Variants in GSE1 observed in about 807,000 individuals in gnomAD.
The protein encoded by GSE1 is Gse1 coiled-coil protein, also known as genetic suppressor element 1.
GSE1 carries 32 observed loss-of-function variants against 112.6 expected under a neutral mutation model. That is an observed-to-expected ratio of 0.28 (90% CI 0.21 to 0.38). The LOEUF (loss-of-function observed/expected upper bound fraction) is 0.38. GSE1 is among the 10% of genes least tolerant of loss of function. The pLI is 1.00. For synonymous variants in GSE1, 1,115 were observed against 735.6 expected, an observed-to-expected ratio of 1.52 and a Z score of -8.35; for missense variants, 2,348 against 1,699.2, an observed-to-expected ratio of 1.38 and a Z score of -6.71.
chr16:85,468,234 G>A (rs541072455), intron 2 of GSE1, among the ~76,000 whole-genome samples: 1 of 151,836 alleles, frequency 6.6e-6, no homozygotes, highest in African/African-American at 2.4e-5. Context: ...CTTGGGCAAG[G>A]TATGAAGCTC....
At chr16:85,584,604 C>A (rs886992817) in intron 1 of GSE1, among the ~76,000 whole-genome samples, 1 of 152,152 alleles carries the variant, frequency 6.6e-6, no homozygotes, top group Non-Finnish European at 1.5e-5. Flanking sequence ...CGCACGCGTT[C>A]TTTCTCAGAT....
chr16:85,668,006 G>A (rs760287971), intron 13 of GSE1, 134 bp from the exon 14 acceptor site: 17 of 680,068 alleles, frequency 2.5e-5, no homozygotes, highest in Admixed American at 7.5e-5. Flanking sequence ...TCCTCTCTAC[G>A]CGATGTCATC....
intron 1 of GSE1, among the ~76,000 whole-genome samples, chr16:85,621,561 C>T (rs900889458): frequency 2.0e-5 from 3 of 152,160 alleles, no homozygotes; most frequent in Non-Finnish European, 4.4e-5. Context: ...ATGCCAGACC[C>T]CTGGAGCCTG....
chr16:85,512,925 C>G (rs1468467474), intron 2 of GSE1, among the ~76,000 whole-genome samples: 1 of 152,084 alleles, frequency 6.6e-6, no homozygotes, highest in Non-Finnish European at 1.5e-5. Context: ...GTTGGAAGGG[C>G]TAGCTACAAC....
At chr16:85,653,536 C>T (rs1439087476) in intron 3 of GSE1, among the ~76,000 whole-genome samples, 2 of 151,506 alleles carry the variant, frequency 1.3e-5, no homozygotes, top group South Asian at 2.1e-4. Context: ...CATCTGAGTC[C>T]TCTGGACCAC....
chr16:85,621,972 C>G (rs1366369586), intron 1 of GSE1, among the ~76,000 whole-genome samples: 1 of 152,210 alleles, frequency 6.6e-6, no homozygotes, highest in East Asian at 1.9e-4. Flanking sequence ...GTGGCAGAGA[C>G]TGCCAGCTCC....
chr16:85,551,501 C>T (rs936910322), upstream of GSE1, among the ~76,000 whole-genome samples: 1 of 152,244 alleles, frequency 6.6e-6, no homozygotes, highest in South Asian at 2.1e-4. Context: ...TTCCCGCTAC[C>T]CCGTTCAGCC....
chr16:85,544,499 T>G lies in GSE1; in HGVS notation c.2465-89415T>G, dbSNP rs142385784. On this transcript the variant is annotated intron_variant, in intron 2 of 2. Coordinates refer to the GSE1 transcript ENST00000637419. ...GAAGTGGCTGGGGCTGACTCCAGAT[T>G]TCTTTGCAAGGTAAAGGCAGAGAAG... Among the ~76,000 whole-genome samples the G allele has an allele frequency of 3.0e-4, 45 of 152,268 alleles. 2 individuals are homozygous for G. In the East Asian group the frequency reaches 8.5e-3, roughly 29 times the overall value.
At chr16:85,202,439 G>C (rs967594932) in intron 1 of GSE1, among the ~76,000 whole-genome samples, 2 of 152,230 alleles carry the variant, frequency 1.3e-5, no homozygotes, top group Non-Finnish European at 2.9e-5. Flanking sequence ...GGGGCCCACA[G>C]GACATTTTTT....
At chr16:85,411,010 A>T (rs1233477930) in intron 2 of GSE1, among the ~76,000 whole-genome samples, 840 of 41,552 alleles carry the variant, frequency 0.02, 1 homozygote, top group Middle Eastern at 0.065. Flanking sequence ...TGTTACACTC[A>T]GAGCCCCCCT....
intron 2 of GSE1, among the ~76,000 whole-genome samples, chr16:85,392,382 A>G (rs2047860017): frequency 6.6e-6 from 1 of 152,206 alleles, no homozygotes; most frequent in Non-Finnish European, 1.5e-5. Flanking sequence ...TTTGGGCTAT[A>G]CTTATGCTCT....
At chr16:85,291,067 T>A (rs542010178) in intron 1 of GSE1, among the ~76,000 whole-genome samples, 1 of 152,374 alleles carries the variant, frequency 6.6e-6, no homozygotes, top group Admixed American at 6.5e-5. Flanking sequence ...TCCACACATG[T>A]GACATCCAGC....
intron 2 of GSE1, among the ~76,000 whole-genome samples, chr16:85,456,408 C>T (rs60833372): frequency 0.029 from 4,405 of 152,154 alleles, 219 homozygotes; most frequent in African/African-American, 0.1. Context: ...TCTCTACCAC[C>T]CTCTGCCTTC....
chr16:85,462,591 G>A (rs1240026781), intron 2 of GSE1, among the ~76,000 whole-genome samples: 1 of 151,376 alleles, frequency 6.6e-6, no homozygotes, highest in African/African-American at 2.4e-5. Context: ...TAGCAGCGGC[G>A]GGGAGAGGTC....
upstream of GSE1, chr16:85,554,896 T>C: frequency 5.1e-6 from 5 of 985,266 alleles, no homozygotes; most frequent in Non-Finnish European, 4.8e-6. Flanking sequence ...CGGCCCCCGC[T>C]TCGGAGCGAA....
intron 1 of GSE1, among the ~76,000 whole-genome samples, chr16:85,348,384 G>A (rs2046786820): frequency 6.6e-6 from 1 of 152,068 alleles, no homozygotes; most frequent in Non-Finnish European, 1.5e-5. Context: ...GCTATGGGTG[G>A]GACTCTCAGC....
Position 85,663,564 on chromosome 16 carries a change from A to C in GSE1, c.2594A>C (p.Lys865Thr). 6.2e-7 allele frequency: 1 copy of C among 1,613,992 alleles called. No individual in the cohort carries two copies. The highest frequency in any genetic ancestry group is 8.5e-7 in the Non-Finnish European group (1 of 1,180,016). ...AGTCCCAACTTCGAAGAAAAGAAGA[A>C]GTTCCTGACCATCTTCAACCTGACC... ...NNSPNFEEKKKFLTIFNLTHI... is the reference protein window; with the variant it reads ...NNSPNFEEKKTFLTIFNLTHI... Residue 865 changes from lysine to threonine, a missense_variant, in exon 11 of 16, where the codon AAG becomes ACG. Transcript: ENST00000253458.
rs1324429594 is a variant in GSE1, at chr16:85,665,135, G to A, written c.2758+7G>A. 5.1e-6 allele frequency: 8 copies of A among 1,556,122 alleles called. No individual in the cohort carries two copies. The highest frequency in any genetic ancestry group is 5.3e-6 in the Non-Finnish European group (6 of 1,128,064). ...CCTGCCGTCTCCCTGAGTGGTAAGG[G>A]AAGGATAGCCCCACCTGCCACCACC... On this transcript the variant is annotated splice_region_variant and intron_variant, in intron 12 of 15. Transcript: ENST00000253458.
intron 2 of GSE1, among the ~76,000 whole-genome samples, chr16:85,384,089 C>A (rs992084617): frequency 6.6e-6 from 1 of 152,140 alleles, no homozygotes; most frequent in Non-Finnish European, 1.5e-5. Context: ...GCACGTCTCC[C>A]TCGACCCTCC....
Sources: allele counts gnomAD v4.1 joint callset (sites outside exome capture counted in the v4.1 genomes callset), GRCh38; gene constraint gnomAD v4.1.1; transcripts MANE v1.5; gene names NCBI Gene and HGNC (gene_info 2026-07-23, HGNC 2026-07-21).